MROH7: variants seen among roughly 807,000 people sequenced by gnomAD.
MROH7 encodes maestro heat-like repeat-containing protein family member 7.
MROH7 carries 113 observed loss-of-function variants against 129.2 expected under a neutral mutation model. The ratio of observed to expected loss-of-function variants is 0.87; its 90% CI spans 0.75 to 1.02. MROH7 has a LOEUF of 1.02. Ranked by LOEUF, MROH7 falls within the 50% of genes least tolerant of loss-of-function variation. The pLI is 0.00. For synonymous variants in MROH7, 655 were observed against 667.9 expected, an observed-to-expected ratio of 0.98 and a Z score of 0.30; for missense variants, 1,601 against 1,671.3, an observed-to-expected ratio of 0.96 and a Z score of 0.73.
intron 4 of MROH7, among the ~76,000 whole-genome samples, chr1:54,668,503 A>G (rs1469657506): frequency 6.6e-6 from 1 of 152,130 alleles, no homozygotes; most frequent in Admixed American, 6.5e-5. Flanking sequence ...TCTGACTTGT[A>G]TGTACTGGGA....
At chr1:54,709,883 G>A (rs570660416) in intron 23 of MROH7, 63 bp from the exon 24 acceptor site, 10 of 1,569,440 alleles carry the variant, frequency 6.4e-6, no homozygotes, top group East Asian at 2.3e-5. Context: ...GGAAGGATTA[G>A]GTATGAGACC....
rs1557716644 is a variant in MROH7 at position 54,686,300 on chromosome 1, A to T, written c.2563A>T (p.Met855Leu). The T allele has an allele frequency of 1.9e-6, 3 of 1,613,932 alleles. No individual in the cohort carries two copies. The highest frequency in any genetic ancestry group is 1.3e-5 in the African/African-American group (1 of 74,938). The change falls in exon 15 of 24, where the codon ATG becomes TTG. Residue 855 changes from methionine (M) to leucine (L), a missense_variant. Transcript: ENST00000421030. ...LCELLSVNSC[M>L]GRVRRIYPQL... ...CGAGCTCCTGTCCGTCAACAGCTGC[A>T]TGGGCCGTGTGAGGCGCATCTACCC...
chr1:54,679,506 C>T (rs368337126), intron 12 of MROH7, 67 bp downstream of exon 12: 7 of 1,517,884 alleles, frequency 4.6e-6, no homozygotes, highest in East Asian at 2.3e-5. Context: ...ATGGCCTGCT[C>T]ATCACTGGCC....
chr1:54,684,342 C>A (rs542526517), intron 14 of MROH7, among the ~76,000 whole-genome samples: 52 of 152,204 alleles, frequency 3.4e-4, no homozygotes, highest in African/African-American at 1.2e-3. Flanking sequence ...GCTTCCAAAT[C>A]CTGCGCTTCA....
chr1:54,675,285 G>A (rs1429762320), intron 10 of MROH7, among the ~76,000 whole-genome samples: 3 of 152,158 alleles, frequency 2.0e-5, no homozygotes, highest in Non-Finnish European at 4.4e-5. Flanking sequence ...CTAAATTCAT[G>A]CTTTTTGAAA....
intron 8 of MROH7, 45 bp downstream of exon 8, chr1:54,673,231 A>G (rs1472257921): frequency 1.4e-6 from 2 of 1,462,294 alleles, no homozygotes; most frequent in South Asian, 2.4e-5. Flanking sequence ...GGAAGGGTGG[A>G]GGGAAGAGAG....
intron 21 of MROH7, among the ~76,000 whole-genome samples, chr1:54,704,864 A>G (rs111950516): frequency 0.011 from 1,341 of 118,932 alleles, 20 homozygotes; most frequent in African/African-American, 0.041. Flanking sequence ...CAATGGTGTG[A>G]TCTCCGCTCA....
At position 54,653,145 on chromosome 1, in the gene MROH7, AG is replaced by A. The variant is rs761001348; in HGVS notation, c.221del (p.Gly74AlafsTer56). On this transcript the variant is annotated frameshift_variant, in exon 3 of 24. Transcript: ENST00000421030. LOFTEE classifies it high-confidence loss of function. ...TGAGTCCAGTCTCAGGGGAGGCCTCAGGCCTGGTGTCTGAAAACACCCCCAG... is the reference window on the plus strand; with the variant it reads ...TGAGTCCAGTCTCAGGGGAGGCCTCAGCCTGGTGTCTGAAAACACCCCCAG... ...SLSPVSGEAS[G>X]LVSENTPRPD... 6.2e-7 allele frequency: 1 copy of A among 1,614,178 alleles called. No individual in the cohort carries two copies. Among genetic ancestry groups the A allele is most frequent in the East Asian group, 2.2e-5 (1 of 44,876 alleles).
chr1:54,654,388 A>G (rs1644609143), intron 3 of MROH7, among the ~76,000 whole-genome samples: 2 of 152,184 alleles, frequency 1.3e-5, no homozygotes, highest in African/African-American at 2.4e-5. Flanking sequence ...ATATCAGTAT[A>G]TAGCCGGGCG....
chr1:54,702,332 A>C, intron 20 of MROH7, 87 bp downstream of exon 20: 28 of 1,218,450 alleles, frequency 2.3e-5, no homozygotes, highest in Middle Eastern at 3.1e-4. Flanking sequence ...CCAGAGTCTC[A>C]AACAATCCTG....
At chr1:54,669,491 T>C (rs1241798354) in intron 5 of MROH7, among the ~76,000 whole-genome samples, 1 of 152,170 alleles carries the variant, frequency 6.6e-6, no homozygotes, top group Non-Finnish European at 1.5e-5. Context: ...ATCTGCTATG[T>C]GTAGGTGCTA....
chr1:54,655,170 A>T (rs111789457), intron 3 of MROH7, among the ~76,000 whole-genome samples: 4 of 150,944 alleles, frequency 2.6e-5, no homozygotes, highest in African/African-American at 9.7e-5. Context: ...GCCCACCACC[A>T]CGCCCAGCTA....
At chr1:54,697,726 CAG>C (rs1443724446) in intron 17 of MROH7, 3 of 700,656 alleles carry the variant, frequency 4.3e-6, no homozygotes, top group East Asian at 2.7e-5. Flanking sequence ...TCACAGAGCT[CAG>C]AGAGTCCAGA....
At position 54,653,616 on chromosome 1, in the gene MROH7, G is replaced by T. The variant is rs9332417; in HGVS notation, c.690G>T (p.Leu230=). 2 of 1,613,778 alleles carry T rather than the reference G, an allele frequency of 1.2e-6. No homozygotes were observed. The highest frequency in any genetic ancestry group is 2.2e-5 in the East Asian group (1 of 44,850). Residue 230 remains leucine, a synonymous_variant, in exon 3 of 24, where the codon CTG becomes CTT. Coordinates refer to ENST00000421030, the MANE Select transcript of MROH7 (RefSeq NM_001039464.4). ...MGSRNTSKLN[L]NVAPDSHGTL... ...CAAGAAACACCTCCAAGCTGAACCT[G>T]AATGTAGCTCCAGATTCTCATGGGA...
At chr1:54,706,617 C>T in intron 22 of MROH7, 80 bp downstream of exon 22, 1 of 1,021,820 alleles carries the variant, frequency 9.8e-7, no homozygotes, top group Middle Eastern at 2.1e-4. Flanking sequence ...GCTGCTAGCC[C>T]TTTCAGCACC....
intron 15 of MROH7, among the ~76,000 whole-genome samples, chr1:54,687,887 G>A (rs1357174172): frequency 1.6e-5 from 1 of 61,552 alleles, no homozygotes; most frequent in East Asian, 4.9e-4. Context: ...TTTTTTTTTT[G>A]AGACAGGGTC....
At position 54,709,860 on chromosome 1, in the gene MROH7, A is replaced by T. The variant is rs996533925; in HGVS notation, c.3731-86A>T. On this transcript the variant is annotated intron_variant, in intron 23 of 23. Transcript: ENST00000421030. ...TGCCAAGCAGAGGGTGCCTAAGCCAAGGCATGGAGATGGGAAGGATTAGGT... is the reference window on the plus strand; with the variant it reads ...TGCCAAGCAGAGGGTGCCTAAGCCATGGCATGGAGATGGGAAGGATTAGGT... 24 of 1,511,834 alleles carry T rather than the reference A, an allele frequency of 1.6e-5. No individual in the cohort carries two copies. In the African/African-American group the frequency reaches 3.2e-4, roughly 20 times the overall value. 93.7% of individuals were successfully genotyped at this position (1,511,834 alleles called of 1,614,324 possible).
chr1:54,691,520 T>C (rs998336121), intron 15 of MROH7, among the ~76,000 whole-genome samples: 3 of 152,126 alleles, frequency 2.0e-5, no homozygotes, highest in Admixed American at 6.5e-5. Context: ...TAAAAGTGTA[T>C]ATAGGCTGGG....
Position 54,653,381 on chromosome 1 carries a change from C to A in MROH7, c.455C>A (p.Ala152Asp), listed in dbSNP as rs778567344. Reference protein sequence around the residue: ...GNHPQSNSEDAFKCLSSKIFK... With the variant: ...GNHPQSNSEDDFKCLSSKIFK... ...CACCCTCAGTCAAATTCTGAAGATG[C>A]CTTCAAGTGCCTCTCAAGTAAGATT... The change falls in exon 3 of 24, where the codon GCC becomes GAC. Residue 152 changes from alanine to aspartate, a missense_variant. Ala to Asp is a moderately radical substitution (Grantham distance 126, BLOSUM62 -2). Coordinates refer to ENST00000421030, the MANE Select transcript of MROH7 (RefSeq NM_001039464.4). 3 of 1,614,082 alleles carry A rather than the reference C, an allele frequency of 1.9e-6. No homozygotes were observed. Among genetic ancestry groups the A allele is most frequent in the Non-Finnish European group, 2.5e-6 (3 of 1,180,040 alleles).
Sources: gnomAD v4.1 joint callset for allele counts (sites outside exome capture counted in the v4.1 genomes callset) on GRCh38, gnomAD v4.1.1 for gene constraint, MANE v1.5 for transcripts, NCBI Gene and HGNC (gene_info 2026-07-23, HGNC 2026-07-21) for gene names.